The following ANKRD26 variants were observed in gnomAD, a reference collection of about 807,000 sequenced individuals.
ANKRD26 encodes the protein ankyrin repeat domain 26.
Under a neutral mutation model 208.7 loss-of-function variants are expected in ANKRD26, and 141 were observed. The ratio of observed to expected loss-of-function variants is 0.68; its 90% CI spans 0.59 to 0.78. ANKRD26 has a LOEUF of 0.78. Ranked by LOEUF, ANKRD26 falls within the 30% of genes least tolerant of loss-of-function variation. The pLI is 0.00. For synonymous variants in ANKRD26, 636 were observed against 660.4 expected (o/e 0.96, Z 0.57); for missense variants, 1,889 against 1,938.7 (o/e 0.97, Z 0.48).
At chr10:27,022,407 T>C (rs1424111435) in intron 29 of ANKRD26, 151 bp downstream of exon 29, 3 of 536,402 alleles carry the variant, frequency 5.6e-6, no homozygotes, top group South Asian at 4.6e-5. Context: ...CATGTACCTC[T>C]GAACTTAAAA....
chr10:27,075,533 CAAG>C (rs1338489094), intron 9 of ANKRD26, among the ~76,000 whole-genome samples: 2 of 152,122 alleles, frequency 1.3e-5, no homozygotes, highest in Admixed American at 6.5e-5. Flanking sequence ...ATCGATTCAA[CAAG>C]AAGATCTAAG....
At chr10:27,056,680 G>A (rs1477460498) in intron 15 of ANKRD26, among the ~76,000 whole-genome samples, 1 of 152,020 alleles carries the variant, frequency 6.6e-6, no homozygotes, top group Non-Finnish European at 1.5e-5. Flanking sequence ...GGGAGGCTGA[G>A]GAAGGAGAAT....
chr10:26,996,516 C>T (rs537420820), intron 4 of ANKRD26, among the ~76,000 whole-genome samples: 4 of 152,238 alleles, frequency 2.6e-5, no homozygotes, highest in East Asian at 1.9e-4. Context: ...GCTGAGATTG[C>T]GCCACTGCAC....
At chr10:27,093,910 C>A (rs2056382751) in intron 1 of ANKRD26, 111 bp from the exon 2 acceptor site, 1 of 865,924 alleles carries the variant, frequency 1.2e-6, no homozygotes, top group East Asian at 4.1e-5. Context: ...TGGCTGTGTC[C>A]CCACCCAAAT....
intron 31 of ANKRD26, 84 bp from the exon 32 acceptor site, chr10:27,013,194 AC>A: frequency 8.5e-7 from 1 of 1,173,390 alleles, no homozygotes; most frequent in Non-Finnish European, 1.2e-6. Flanking sequence ...TTAAAAAGTT[AC>A]CATAGGAGTA....
intron 33 of ANKRD26, among the ~76,000 whole-genome samples, chr10:27,005,986 T>C (rs974526922): frequency 3.3e-5 from 5 of 152,138 alleles, no homozygotes; most frequent in African/African-American, 1.2e-4. Context: ...AAGTAAGCAC[T>C]AGAATTACAA....
intron 5 of ANKRD26, among the ~76,000 whole-genome samples, chr10:26,978,151 G>T (rs1456811289): frequency 3.9e-5 from 6 of 152,214 alleles, no homozygotes; most frequent in South Asian, 2.1e-4. Context: ...AGGTAAACGA[G>T]CATCTAAAGT....
At chr10:27,018,114 C>T (rs2053361276) in intron 29 of ANKRD26, among the ~76,000 whole-genome samples, 1 of 150,664 alleles carries the variant, frequency 6.6e-6, no homozygotes, top group African/African-American at 2.4e-5. Context: ...GAAAGTCTTA[C>T]TACTTCCCCC....
At chr10:27,073,114 A>T (rs895400348) in intron 9 of ANKRD26, among the ~76,000 whole-genome samples, 1 of 152,148 alleles carries the variant, frequency 6.6e-6, no homozygotes, top group African/African-American at 2.4e-5. Context: ...ACCCCATGGG[A>T]AAAAAAGAAA....
rs1037907655 is a variant in ANKRD26 at position 27,004,944 on chromosome 10, A to G, written c.*646T>C. ...GTCCTGACTTGTAGGAATGCCCACT[A>G]AAGTAATCAGGGGTGATGACATAAT... On this transcript the variant is annotated 3_prime_UTR_variant, in exon 34 of 34. Transcript: ENST00000376087. The G allele has an allele frequency of 1.1e-5, 8 of 724,320 alleles. No individual in the cohort carries two copies. Among genetic ancestry groups the G allele is most frequent in the Middle Eastern group, 7.0e-4 (1 of 1,426 alleles). The allele number at this position is 724,320 out of a possible 1,614,324, so 44.9% of individuals were successfully genotyped here. A position where few individuals can be genotyped will look rare whatever the true frequency, so the allele number is the denominator to read the frequency against.
In ANKRD26 at chr10:27,100,475, C is replaced by T. The variant is rs2056616239; in HGVS notation, c.-149G>A. 6 of 1,208,666 alleles carry T rather than the reference C, an allele frequency of 5.0e-6. No homozygotes were observed. Among genetic ancestry groups the T allele is most frequent in the Non-Finnish European group, 6.8e-6 (6 of 884,948 alleles). The allele number at this position is 1,208,666 out of a possible 1,614,324, so 74.9% of individuals were successfully genotyped here. On this transcript the variant is annotated 5_prime_UTR_variant, in exon 1 of 34. Transcript: ENST00000376087. ...CAATCTCTCCCTCCGGGTTACCAAG[C>T]AAGCGATCCCGCTAGACACAAGTGC... is the stretch of plus-strand genomic sequence containing the variant.
At chr10:26,978,326 C>T (rs1009825479) in intron 5 of ANKRD26, among the ~76,000 whole-genome samples, 25 of 152,062 alleles carry the variant, frequency 1.6e-4, no homozygotes, top group Admixed American at 9.8e-4. Flanking sequence ...CATGGTGGCA[C>T]GTGCCTGTAG....
Position 27,081,977 on chromosome 10 carries a change from A to C in ANKRD26, c.740+826T>G, listed in dbSNP as rs576954493. Among the ~76,000 whole-genome samples the C allele has an allele frequency of 1.7e-4, 25 of 149,330 alleles. No homozygotes were observed. In the South Asian group the frequency reaches 1.9e-3, roughly 11 times the overall value. ...GGTCTCGATCTCCTGACTTTGTGAT[A>C]TGCCCACCTTGGCCTCCCAAAGTGC... On this transcript the variant is annotated intron_variant, in intron 6 of 33. Coordinates refer to ENST00000376087, the MANE Select transcript of ANKRD26 (RefSeq NM_014915.3).
intron 32 of ANKRD26, among the ~76,000 whole-genome samples, chr10:27,011,452 G>C (rs1023481308): frequency 2.0e-5 from 3 of 151,990 alleles, no homozygotes; most frequent in African/African-American, 7.2e-5. Context: ...TGTTCCCCCA[G>C]TCAAAAATGG....
intron 25 of ANKRD26, among the ~76,000 whole-genome samples, chr10:27,031,155 G>C (rs1350135391): frequency 1.3e-5 from 2 of 152,318 alleles, no homozygotes; most frequent in East Asian, 3.9e-4. Context: ...AACAGCAGGA[G>C]TCAAGCAGAG....
chr10:26,971,535 T>A (rs2052142593), downstream of ANKRD26, among the ~76,000 whole-genome samples: 1 of 150,342 alleles, frequency 6.7e-6, no homozygotes, highest in South Asian at 2.1e-4. Context: ...ATTAGCCAGG[T>A]GTGGTGGCAC....
At chr10:26,967,833 T>C in the ANKRD26 span, among the ~76,000 whole-genome samples, 9 of 152,296 alleles carry the variant, frequency 5.9e-5, no homozygotes, top group African/African-American at 1.4e-4. Context: ...GTACTGTCCA[T>C]TGGGCCTTTA....
chr10:27,043,844 T>G (rs962524746), intron 19 of ANKRD26, among the ~76,000 whole-genome samples: 6 of 151,928 alleles, frequency 3.9e-5, no homozygotes, highest in Non-Finnish European at 5.9e-5. Context: ...CAGGCTGGAG[T>G]GCAGTATCGT....
chr10:26,986,638 T>C (rs1243195645), intron 3 of ANKRD26, among the ~76,000 whole-genome samples: 3 of 152,332 alleles, frequency 2.0e-5, no homozygotes, highest in Non-Finnish European at 4.4e-5. Flanking sequence ...CAGACACTTC[T>C]CAAAAGAAGA....
Sources: allele counts gnomAD v4.1 joint callset (sites outside exome capture counted in the v4.1 genomes callset), GRCh38; gene constraint gnomAD v4.1.1; transcripts MANE v1.5; gene names NCBI Gene and HGNC (gene_info 2026-07-23, HGNC 2026-07-21).